The following PRTG variants were observed in gnomAD, a reference collection of about 807,000 sequenced individuals.
PRTG encodes the protein immunoglobulin superfamily, DCC subclass, member 5.
Under a neutral mutation model 122.5 loss-of-function variants are expected in PRTG, and 67 were observed. The observed-to-expected ratio is 0.55, with a 90% CI of 0.45 to 0.67. The LOEUF (loss-of-function observed/expected upper bound fraction) is 0.67. PRTG is among the 30% of genes least tolerant of loss of function. The pLI is 0.00. For synonymous variants in PRTG, 554 were observed against 501.1 expected (o/e 1.11, Z -1.41); for missense variants, 1,435 against 1,415.4 (o/e 1.01, Z -0.22).
intron 16 of PRTG, 33 bp from the exon 17 acceptor site, chr15:55,627,161 T>A: frequency 6.7e-7 from 1 of 1,483,608 alleles, no homozygotes; most frequent in African/African-American, 1.4e-5. Flanking sequence ...TCAGAATCAA[T>A]CAGAAAAATA....
At chr15:55,680,657 A>T in intron 4 of PRTG, 29 bp from the exon 5 acceptor site, 1 of 1,382,616 alleles carries the variant, frequency 7.2e-7, no homozygotes, top group Non-Finnish European at 9.6e-7. Context: ...AGAATATAAA[A>T]ATAAATTATA....
At position 55,681,744 on chromosome 15, in the gene PRTG, G is replaced by A. The variant is rs375651545; in HGVS notation, c.676+620C>T. Among the ~76,000 whole-genome samples the A allele has an allele frequency of 8.6e-4, 131 of 152,092 alleles. 5 individuals carry two copies. In the South Asian group the frequency reaches 0.027, roughly 31 times the overall value. On this transcript the variant is annotated intron_variant, in intron 4 of 19. Transcript: ENST00000389286. ...CTTTAAACGACAAGCAAAAGAATAC[G>A]ACTAGAAACAAGCATATCTTTTTCC...
chr15:55,623,678 T>G (rs1427890990), intron 18 of PRTG, among the ~76,000 whole-genome samples: 3 of 152,230 alleles, frequency 2.0e-5, no homozygotes, highest in African/African-American at 7.2e-5. Flanking sequence ...ACATTGGTTG[T>G]GGGAGCTATT....
At chr15:55,663,135 AAC>A (rs1422349739) in intron 11 of PRTG, among the ~76,000 whole-genome samples, 1 of 152,244 alleles carries the variant, frequency 6.6e-6, no homozygotes, top group Non-Finnish European at 1.5e-5. Context: ...ATTTACAGAT[AAC>A]AGTTATCGAG....
At chr15:55,740,292 A>G (rs2031566054) in intron 2 of PRTG, 90 bp downstream of exon 2, 1 of 1,244,720 alleles carries the variant, frequency 8.0e-7, no homozygotes, top group South Asian at 1.5e-5. Context: ...TAATGCATGC[A>G]TGATTCGGGG....
intron 11 of PRTG, among the ~76,000 whole-genome samples, chr15:55,647,594 T>G (rs1257659959): frequency 6.6e-6 from 1 of 152,192 alleles, no homozygotes; most frequent in African/African-American, 2.4e-5. Flanking sequence ...TTTAAGAATA[T>G]TAAATGAAAT....
At chr15:55,627,160 A>T in intron 16 of PRTG, 32 bp from the exon 17 acceptor site, 1 of 1,482,728 alleles carries the variant, frequency 6.7e-7, no homozygotes, top group Non-Finnish European at 9.1e-7. Flanking sequence ...CTCAGAATCA[A>T]TCAGAAAAAT....
chr15:55,738,595 T>C (rs1397032548), intron 2 of PRTG: 1 of 689,438 alleles, frequency 1.5e-6, no homozygotes, highest in Non-Finnish European at 2.6e-6. Flanking sequence ...AGAACAAGTT[T>C]ACATTGGACA....
intron 4 of PRTG, 24 bp downstream of exon 4, chr15:55,682,340 T>C (rs200536972): frequency 6.5e-7 from 1 of 1,542,082 alleles, no homozygotes; most frequent in Non-Finnish European, 8.8e-7. Flanking sequence ...GTCATAAAAA[T>C]GGAAAAACCA....
chr15:55,643,125 C>T (rs1163681165), intron 11 of PRTG, among the ~76,000 whole-genome samples: 1 of 152,026 alleles, frequency 6.6e-6, no homozygotes, highest in Non-Finnish European at 1.5e-5. Flanking sequence ...GTTTATAAAA[C>T]TCTCCAAAGT....
chr15:55,737,699 C>A (rs1280423469), intron 2 of PRTG, among the ~76,000 whole-genome samples: 2 of 152,078 alleles, frequency 1.3e-5, no homozygotes, highest in East Asian at 3.9e-4. Flanking sequence ...TAATGGAATT[C>A]TTGCCTAGAG....
At chr15:55,627,910 G>A (rs1245370854) in intron 16 of PRTG, among the ~76,000 whole-genome samples, 1 of 152,242 alleles carries the variant, frequency 6.6e-6, no homozygotes, top group East Asian at 1.9e-4. Context: ...CTGGGGTGGG[G>A]CATGTGATTC....
At chr15:55,624,954 G>C (rs1169416919) in intron 17 of PRTG, among the ~76,000 whole-genome samples, 1 of 152,026 alleles carries the variant, frequency 6.6e-6, no homozygotes, top group African/African-American at 2.4e-5. Context: ...TGAGAAACTT[G>C]GACAATAAAA....
Position 55,691,071 on chromosome 15 carries a change from G to C in PRTG, c.398-7140C>G, listed in dbSNP as rs150140098. On this transcript the variant is annotated intron_variant, in intron 2 of 19. Coordinates refer to ENST00000389286, the MANE Select transcript of PRTG (RefSeq NM_173814.6). ...ACCCGTAATCCCTGCACTTCAGGTG[G>C]ATCACCTGAGGTCAGGAGTTCGAGA... Among the ~76,000 whole-genome samples the C allele has an allele frequency of 6.3e-3, 965 of 152,174 alleles. 11 individuals are homozygous for C. The highest frequency in any genetic ancestry group is 0.022 in the African/African-American group (930 of 41,530).
chr15:55,665,214 C>T (rs1168190379), intron 11 of PRTG, among the ~76,000 whole-genome samples: 1 of 151,864 alleles, frequency 6.6e-6, no homozygotes, highest in African/African-American at 2.4e-5. Flanking sequence ...GAGCCGAGAT[C>T]GCGCCCCTGC....
intron 15 of PRTG, among the ~76,000 whole-genome samples, chr15:55,629,984 A>ATTTTTT (rs1169581862): frequency 8.0e-6 from 1 of 125,262 alleles, no homozygotes; most frequent in African/African-American, 3.0e-5. Flanking sequence ...CACCAGGTTA[A>ATTTTTT]TTTTTTTTTT....
chr15:55,730,706 A>T (rs1271893437), intron 2 of PRTG, among the ~76,000 whole-genome samples: 2 of 152,108 alleles, frequency 1.3e-5, no homozygotes, highest in African/African-American at 4.8e-5. Flanking sequence ...AGGCTGAGGC[A>T]GGAGAATGGC....
chr15:55,727,678 C>A (rs2031082868), intron 2 of PRTG, among the ~76,000 whole-genome samples: 1 of 151,910 alleles, frequency 6.6e-6, no homozygotes, highest in Non-Finnish European at 1.5e-5. Flanking sequence ...CACCTGTAGT[C>A]CCAGCTACTC....
rs2059556004 is a variant in PRTG at position 55,683,934 on chromosome 15, A to G, written c.398-3T>C. The G allele has an allele frequency of 5.0e-6, 8 of 1,612,146 alleles. No homozygotes were observed. Among genetic ancestry groups the G allele is most frequent in the Non-Finnish European group, 6.8e-6 (8 of 1,178,644 alleles). On this transcript the variant is annotated splice_region_variant and splice_polypyrimidine_tract_variant and intron_variant, in intron 2 of 19. Coordinates refer to ENST00000389286, the MANE Select transcript of PRTG (RefSeq NM_173814.6). ...CTGGACTTCAAATGCAGAAATAGCT[A>G]TAAGATAAAGTTTGAGAAATTCAGA...
Sources: allele counts gnomAD v4.1 joint callset (sites outside exome capture counted in the v4.1 genomes callset), GRCh38; gene constraint gnomAD v4.1.1; transcripts MANE v1.5; gene names NCBI Gene and HGNC (gene_info 2026-07-23, HGNC 2026-07-21).